The following GRM7 variants were observed in gnomAD, a reference collection of about 807,000 sequenced individuals.
GRM7 encodes glutamate metabotropic receptor 7.
In GRM7, 35 loss-of-function variants were observed where a neutral mutation model predicts 84.5. That is an observed-to-expected ratio of 0.41 (90% CI 0.32 to 0.55). GRM7 has a LOEUF of 0.55. GRM7 is among the 20% of genes least tolerant of loss of function. The pLI is 0.19. For synonymous variants in GRM7, 487 were observed against 455.1 expected, an observed-to-expected ratio of 1.07 and a Z score of -0.89; for missense variants, 1,003 against 1,194.6, an observed-to-expected ratio of 0.84 and a Z score of 2.36.
Position 7,486,549 on chromosome 3 carries a change from G to A in GRM7, c.1515+24827G>A, listed in dbSNP as rs1039467539. Reference sequence around the variant, plus strand: ...GGACTGGATTATTTGCCAGAAAAGTGGGGTGCTATACAGCAAGTCTGCCTC... The same window carrying A: ...GGACTGGATTATTTGCCAGAAAAGTAGGGTGCTATACAGCAAGTCTGCCTC... On this transcript the variant is annotated intron_variant, in intron 7 of 9. Coordinates refer to ENST00000357716, the MANE Select transcript of GRM7 (RefSeq NM_000844.4). The surrounding 1 kb of genome is among the most constrained non-coding windows in gnomAD (Gnocchi z 5.5). 1.3e-5 allele frequency among the ~76,000 whole-genome samples: 2 copies of A among 152,064 alleles called. No individual in the cohort carries two copies. Among genetic ancestry groups the A allele is most frequent in the Non-Finnish European group, 2.9e-5 (2 of 68,004 alleles).
intron 4 of GRM7, among the ~76,000 whole-genome samples, chr3:7,389,646 A>C (rs572616888): frequency 3.9e-5 from 6 of 152,006 alleles, no homozygotes; most frequent in Non-Finnish European, 8.8e-5. Flanking sequence ...ATTGGTTTAA[A>C]GTCTATTTTA....
chr3:7,435,164 CTT>C (rs1217707637), intron 5 of GRM7, among the ~76,000 whole-genome samples: 1 of 142,598 alleles, frequency 7.0e-6, no homozygotes. Context: ...TCTATATTTT[CTT>C]TTTTTTTTTG....
chr3:7,334,196 G>T (rs1701314655), intron 4 of GRM7, among the ~76,000 whole-genome samples: 2 of 151,998 alleles, frequency 1.3e-5, no homozygotes, highest in Non-Finnish European at 2.9e-5. Flanking sequence ...AGCATCTTAA[G>T]GACTGTGATA....
chr3:7,486,086 T>C lies in GRM7; in HGVS notation c.1515+24364T>C, dbSNP rs1320835800. Reference sequence around the variant, plus strand: ...ATAAACTTTAAAGTTCTTCAAAGAGTCAAAGGATGAGATAAAATATGGATT... The same window carrying C: ...ATAAACTTTAAAGTTCTTCAAAGAGCCAAAGGATGAGATAAAATATGGATT... On this transcript the variant is annotated intron_variant, in intron 7 of 9. Transcript: ENST00000357716. This position sits in a 1 kb window ranked among gnomAD's most constrained non-coding sequence, Gnocchi z 5.5. 2.6e-5 allele frequency among the ~76,000 whole-genome samples: 4 copies of C among 152,052 alleles called. No individual in the cohort carries two copies. The highest frequency in any genetic ancestry group is 9.7e-5 in the African/African-American group (4 of 41,400).
Position 6,883,695 on chromosome 3 carries a change from C to G in GRM7, c.519+21788C>G, listed in dbSNP as rs187014858. 1.1e-3 allele frequency among the ~76,000 whole-genome samples: 162 copies of G among 152,262 alleles called. 1 individual carries two copies. The highest frequency in any genetic ancestry group is 6.0e-3 in the Admixed American group (91 of 15,292). On this transcript the variant is annotated intron_variant, in intron 1 of 9. Coordinates refer to ENST00000357716, the MANE Select transcript of GRM7 (RefSeq NM_000844.4). Reference sequence around the variant, plus strand: ...GCATAATTAATTTTGTTAGTATTAGCAAGAACAGCCTAGGAAAGCTTCACA... The same window carrying G: ...GCATAATTAATTTTGTTAGTATTAGGAAGAACAGCCTAGGAAAGCTTCACA...
chr3:7,596,354 A>G (rs1292822847), intron 8 of GRM7, among the ~76,000 whole-genome samples: 1 of 152,208 alleles, frequency 6.6e-6, no homozygotes, highest in African/African-American at 2.4e-5. Context: ...TAGGAGTTGA[A>G]TACACAATTC....
At chr3:7,259,480 C>T (rs952692874) in intron 2 of GRM7, among the ~76,000 whole-genome samples, 1 of 152,090 alleles carries the variant, frequency 6.6e-6, no homozygotes, top group Non-Finnish European at 1.5e-5. Flanking sequence ...TGTTGTCCCC[C>T]TCTTTGTGTC....
chr3:6,865,502 C>G (rs1001592841), intron 1 of GRM7, among the ~76,000 whole-genome samples: 2 of 151,502 alleles, frequency 1.3e-5, no homozygotes, highest in African/African-American at 4.9e-5. Flanking sequence ...TAGTGACATG[C>G]TCTACACTAT....
At chr3:7,023,498 A>C (rs1470983305) in intron 1 of GRM7, among the ~76,000 whole-genome samples, 1 of 152,066 alleles carries the variant, frequency 6.6e-6, no homozygotes, top group Non-Finnish European at 1.5e-5. Flanking sequence ...CATAAGGGGC[A>C]CTCACCGCGT....
intron 7 of GRM7, among the ~76,000 whole-genome samples, chr3:7,518,855 A>G: frequency 6.6e-6 from 1 of 152,252 alleles, no homozygotes; most frequent in East Asian, 1.9e-4. Flanking sequence ...GATTAATGTT[A>G]AGATTTAGCT....
chr3:7,184,284 C>T (rs1411826690), intron 2 of GRM7, among the ~76,000 whole-genome samples: 1 of 152,078 alleles, frequency 6.6e-6, no homozygotes, highest in Non-Finnish European at 1.5e-5. Flanking sequence ...TTTATTCTTT[C>T]CTAGACATTG....
At chr3:7,469,597 T>C (rs1698611481) in intron 7 of GRM7, among the ~76,000 whole-genome samples, 1 of 152,120 alleles carries the variant, frequency 6.6e-6, no homozygotes, top group African/African-American at 2.4e-5. Context: ...ACTTTAATGC[T>C]ACATTACAGG....
chr3:7,581,042 C>G (rs1009271416), intron 8 of GRM7, among the ~76,000 whole-genome samples: 2 of 152,092 alleles, frequency 1.3e-5, no homozygotes, highest in African/African-American at 4.8e-5. Flanking sequence ...GACATTAAAA[C>G]CTTTCCCGTA....
At chr3:7,397,531 T>C (rs1695260912) in intron 4 of GRM7, among the ~76,000 whole-genome samples, 1 of 152,126 alleles carries the variant, frequency 6.6e-6, no homozygotes, top group South Asian at 2.1e-4. Flanking sequence ...TTGTATATTT[T>C]GAAATAACTA....
At chr3:7,079,608 T>C (rs559445096) in intron 1 of GRM7, among the ~76,000 whole-genome samples, 1 of 152,122 alleles carries the variant, frequency 6.6e-6, no homozygotes, top group African/African-American at 2.4e-5. Flanking sequence ...CAGACAGTAG[T>C]TGAATAGAAG....
At chr3:7,686,912 T>G (rs1044800206) in intron 9 of GRM7, among the ~76,000 whole-genome samples, 16 of 152,212 alleles carry the variant, frequency 1.1e-4, no homozygotes, top group African/African-American at 3.6e-4. Flanking sequence ...TTCAAAGAAG[T>G]GTACACATTC....
chr3:7,439,226 T>C (rs1335618259), intron 5 of GRM7, among the ~76,000 whole-genome samples: 1 of 152,152 alleles, frequency 6.6e-6, no homozygotes, highest in Admixed American at 6.5e-5. Context: ...CCAGACTACC[T>C]TTCCAAGGGC....
chr3:6,963,351 T>C (rs1324333640), intron 1 of GRM7, among the ~76,000 whole-genome samples: 1 of 152,210 alleles, frequency 6.6e-6, no homozygotes, highest in Non-Finnish European at 1.5e-5. Flanking sequence ...ATCCGAGTAA[T>C]ACTACTGTCA....
chr3:7,509,510 C>T (rs959889708), intron 7 of GRM7, among the ~76,000 whole-genome samples: 1 of 152,166 alleles, frequency 6.6e-6, no homozygotes, highest in Admixed American at 6.6e-5. Flanking sequence ...TGTATGTATA[C>T]ATCCTCTGCA....
Sources: allele counts gnomAD v4.1 joint callset (sites outside exome capture counted in the v4.1 genomes callset), GRCh38; gene constraint gnomAD v4.1.1; non-coding constraint Gnocchi (gnomAD v3.1); transcripts MANE v1.5; gene names NCBI Gene and HGNC (gene_info 2026-07-23, HGNC 2026-07-21).